INPPL1: variants seen among roughly 807,000 people sequenced by gnomAD.
The protein encoded by INPPL1 is phosphatidylinositol 3,4,5-trisphosphate 5-phosphatase 2.
In INPPL1, 91 loss-of-function variants were observed where a neutral mutation model predicts 139.3. The ratio of observed to expected loss-of-function variants is 0.65; its 90% CI spans 0.55 to 0.78. INPPL1 has a LOEUF of 0.78. Ranked by LOEUF, INPPL1 falls within the 30% of genes least tolerant of loss-of-function variation. INPPL1 has a pLI of 0.00. For synonymous variants in INPPL1, 719 were observed against 686.6 expected, an observed-to-expected ratio of 1.05 and a Z score of -0.74; for missense variants, 1,411 against 1,665.6, an observed-to-expected ratio of 0.85 and a Z score of 2.66.
chr11:72,225,543 G>T (rs1948646700), intron 1 of INPPL1: 1 of 985,094 alleles, frequency 1.0e-6, no homozygotes, highest in Non-Finnish European at 1.2e-6. Context: ...ACTGAGTGGT[G>T]AGCAGGAGAG....
chr11:72,234,433 G>A lies in INPPL1; in HGVS notation c.2326+39G>A. The A allele has an allele frequency of 1.3e-6, 2 of 1,599,392 alleles. No homozygotes were observed. Among genetic ancestry groups the A allele is most frequent in the African/African-American group, 1.3e-5 (1 of 74,672 alleles). On this transcript the variant is annotated intron_variant, in intron 20 of 27. Transcript: ENST00000298229. The surrounding 1 kb of genome is among the most constrained non-coding windows in gnomAD (Gnocchi z 4.2). ...CAGGGGCTGGGTGTGGGCCAAGGAG[G>A]ATGGGAGGCAAGAGGGTGCAGTCAG...
rs1262263936 is a variant in INPPL1, at chr11:72,230,177, C to A, written c.996C>A (p.Phe332Leu). Reference protein sequence around the residue: ...DLTKIGKSQKFTLSVDVEGGR... With the variant: ...DLTKIGKSQKLTLSVDVEGGR... ...CCAAGATTGGGAAGTCACAGAAGTTCACGCTGAGCGTGGATGTGGAGGGTG... is the reference window on the plus strand; with the variant it reads ...CCAAGATTGGGAAGTCACAGAAGTTAACGCTGAGCGTGGATGTGGAGGGTG... The change falls in exon 9 of 28, where the codon TTC (phenylalanine) becomes TTA (leucine). Residue 332 changes from phenylalanine to leucine, a missense_variant. Transcript: ENST00000298229. 1 of 1,611,818 alleles carries A rather than the reference C, an allele frequency of 6.2e-7. No homozygotes were observed. Among genetic ancestry groups the A allele is most frequent in the Non-Finnish European group, 8.5e-7 (1 of 1,178,460 alleles).
At position 72,235,781 on chromosome 11, in the gene INPPL1, A is replaced by G. The variant is rs1179739800; in HGVS notation, c.2738+28A>G. ...GAGCTAGGGCTGTGTTGAATGTCAT[A>G]TGAAAGGGTACCTGGGGGCATCTGG... is the stretch of plus-strand genomic sequence containing the variant. On this transcript the variant is annotated intron_variant, in intron 24 of 27. Coordinates refer to ENST00000298229, the MANE Select transcript of INPPL1 (RefSeq NM_001567.4). The surrounding 1 kb of genome is among the most constrained non-coding windows in gnomAD (Gnocchi z 4.9). The G allele has an allele frequency of 1.2e-6, 2 of 1,613,946 alleles. No homozygotes were observed. The highest frequency in any genetic ancestry group is 1.6e-4 in the Middle Eastern group (1 of 6,062).
chr11:72,228,252 A>C lies in INPPL1; in HGVS notation c.245A>C (p.Gln82Pro), dbSNP rs1232849440. The C allele has an allele frequency of 6.2e-7, 1 of 1,614,114 alleles. No homozygotes were observed. Among genetic ancestry groups the C allele is most frequent in the Admixed American group, 1.7e-5 (1 of 60,014 alleles). ...GATGGAGAAGATTTCTTGGCTGTGC[A>C]GGTAGGAGCTTGGGCCCCTGACCCC... ...LPDGEDFLAV[Q>P]TSQGVPVRRF... The change falls in exon 2 of 28, where the codon CAG (glutamine) becomes CCG (proline). Residue 82 changes from glutamine to proline, a missense_variant and splice_region_variant. Around this residue, in one of 5 missense-constraint regions of INPPL1, gnomAD observed 504 missense variants for 595.6 expected, o/e 0.85. Coordinates refer to ENST00000298229, the MANE Select transcript of INPPL1 (RefSeq NM_001567.4). This position sits in a 1 kb window ranked among gnomAD's most constrained non-coding sequence, Gnocchi z 5.0.
Position 72,235,522 on chromosome 11 carries a change from G to A in INPPL1, c.2659+71G>A, listed in dbSNP as rs1268544617. 17 of 1,573,792 alleles carry A rather than the reference G, an allele frequency of 1.1e-5. No homozygotes were observed. The Admixed American group carries it at 2.5e-4, about 23-fold the overall frequency. On this transcript the variant is annotated intron_variant, in intron 23 of 27. Coordinates refer to ENST00000298229, the MANE Select transcript of INPPL1 (RefSeq NM_001567.4). This position sits in a 1 kb window ranked among gnomAD's most constrained non-coding sequence, Gnocchi z 4.9. ...AAGGAGGGCAGGGTGCGGGGGGCATGTTGGAATCTCTGGGATACCTGGAGG... is the reference window on the plus strand; with the variant it reads ...AAGGAGGGCAGGGTGCGGGGGGCATATTGGAATCTCTGGGATACCTGGAGG...
chr11:72,236,676 T>C (rs1948996911), intron 25 of INPPL1, among the ~76,000 whole-genome samples: 1 of 152,218 alleles, frequency 6.6e-6, no homozygotes, highest in Non-Finnish European at 1.5e-5. Flanking sequence ...TTTTCACTCA[T>C]CTTCAGCTGT....
In INPPL1 at chr11:72,235,507, G is replaced by A; in HGVS notation, c.2659+56G>A. On this transcript the variant is annotated intron_variant, in intron 23 of 27. Coordinates refer to ENST00000298229, the MANE Select transcript of INPPL1 (RefSeq NM_001567.4). This position sits in a 1 kb window ranked among gnomAD's most constrained non-coding sequence, Gnocchi z 4.9. ...TGGTGTGAACAGATCAAGGAGGGCA[G>A]GGTGCGGGGGGCATGTTGGAATCTC... 1.9e-6 allele frequency: 3 copies of A among 1,583,826 alleles called. No homozygotes were observed. Among genetic ancestry groups the A allele is most frequent in the Non-Finnish European group, 2.6e-6 (3 of 1,163,246 alleles).
rs777172628 is a variant in INPPL1 at position 72,234,162 on chromosome 11, C to T, written c.2213-119C>T. 270 of 755,476 alleles carry T rather than the reference C, an allele frequency of 3.6e-4. No individual in the cohort carries two copies. Among genetic ancestry groups the T allele is most frequent in the Non-Finnish European group, 5.5e-4 (241 of 440,774 alleles). The allele number at this position is 755,476 out of a possible 1,614,324, so 46.8% of individuals were successfully genotyped here. On this transcript the variant is annotated intron_variant, in intron 19 of 27. Coordinates refer to ENST00000298229, the MANE Select transcript of INPPL1 (RefSeq NM_001567.4). The surrounding 1 kb of genome is among the most constrained non-coding windows in gnomAD (Gnocchi z 4.2). ...GTGGCTTGGGACTGGGGAGGCCCCTCCTGGCCCTGCCTCCTTGCTCTGGAC... is the reference window on the plus strand; with the variant it reads ...GTGGCTTGGGACTGGGGAGGCCCCTTCTGGCCCTGCCTCCTTGCTCTGGAC...
Position 72,228,415 on chromosome 11 carries a change from C to A in INPPL1, c.314C>A (p.Pro105His). ...LGELIGLYAQ[P>H]NQGLVCALLL... ...GAGCTCATCGGCCTGTACGCCCAGC[C>A]CAACCAGGGCCTTGTGTGCGCCCTG... Residue 105 changes from proline (P) to histidine (H), a missense_variant, in exon 3 of 28, where the codon CCC becomes CAC. Around this residue, in one of 5 missense-constraint regions of INPPL1, gnomAD observed 504 missense variants for 595.6 expected, o/e 0.85. Coordinates refer to ENST00000298229, the MANE Select transcript of INPPL1 (RefSeq NM_001567.4). The surrounding 1 kb of genome is among the most constrained non-coding windows in gnomAD (Gnocchi z 5.0). 1 of 1,613,010 alleles carries A rather than the reference C, an allele frequency of 6.2e-7. No individual in the cohort carries two copies. Among genetic ancestry groups the A allele is most frequent in the Non-Finnish European group, 8.5e-7 (1 of 1,179,992 alleles).
At chr11:72,227,331 A>G (rs1352429039) in intron 1 of INPPL1, among the ~76,000 whole-genome samples, 1 of 152,344 alleles carries the variant, frequency 6.6e-6, no homozygotes, top group Admixed American at 6.5e-5. Flanking sequence ...AGTAAGATTT[A>G]TAGGACACTG....
intron 1 of INPPL1, among the ~76,000 whole-genome samples, chr11:72,227,145 C>A (rs1948698301): frequency 6.6e-6 from 1 of 152,224 alleles, no homozygotes; most frequent in Admixed American, 6.5e-5. Context: ...CCCCAGCAGG[C>A]ACAGGCAATC....
In INPPL1 at chr11:72,225,103, G is replaced by A; in HGVS notation, c.119G>A (p.Arg40His). The change falls in exon 1 of 28, where the codon CGC (arginine) becomes CAC (histidine). Residue 40 changes from arginine to histidine, a missense_variant. This residue lies in a region of INPPL1 where 504 missense variants were observed against 595.6 expected (regional missense o/e 0.85). Transcript: ENST00000298229. ...AAEELLARAG[R>H]DGSFLVRDSE... ...GAGGAGCTGCTGGCCCGGGCGGGCCGCGATGGCAGCTTCCTGGTCCGAGAC... is the reference window on the plus strand; with the variant it reads ...GAGGAGCTGCTGGCCCGGGCGGGCCACGATGGCAGCTTCCTGGTCCGAGAC... 8.1e-7 allele frequency: 1 copy of A among 1,232,218 alleles called. No individual in the cohort carries two copies. The highest frequency in any genetic ancestry group is 1.0e-6 in the Non-Finnish European group (1 of 988,064). 76.3% of individuals were successfully genotyped at this position (1,232,218 alleles called of 1,614,324 possible).
Position 72,233,737 on chromosome 11 carries a change from C to T in INPPL1, c.2205C>T (p.Ser735=). 1 of 1,613,684 alleles carries T rather than the reference C, an allele frequency of 6.2e-7. No homozygotes were observed. ...TTGGAGTTACCTCCCAGTTCATCTC[C>T]AAGAAAGGTGACTGTTCCAGATATG... The part of the protein sequence containing the change: ...FEVGVTSQFI[S]KKGLSKTSDQ... The change falls in exon 19 of 28, where the codon TCC becomes TCT. Residue 735 remains serine, a synonymous_variant. Transcript: ENST00000298229.
At chr11:72,233,585 A>G in intron 18 of INPPL1, 63 bp downstream of exon 18, 1 of 1,606,146 alleles carries the variant, frequency 6.2e-7, no homozygotes, top group Non-Finnish European at 8.5e-7. Context: ...ACTCTGCCCT[A>G]ACCTTGGGAG....
At chr11:72,237,948 T>G in intron 26 of INPPL1, 94 bp from the exon 27 acceptor site, 25 of 1,459,816 alleles carry the variant, frequency 1.7e-5, no homozygotes, top group Non-Finnish European at 2.2e-5. Context: ...GCCCAGCCCT[T>G]CCCTTCCTTT....
chr11:72,229,541 C>A lies in INPPL1; in HGVS notation c.736C>A (p.Arg246Ser). 1 of 1,614,126 alleles carries A rather than the reference C, an allele frequency of 6.2e-7. No individual in the cohort carries two copies. Among genetic ancestry groups the A allele is most frequent in the Non-Finnish European group, 8.5e-7 (1 of 1,180,014 alleles). Residue 246 changes from arginine (R) to serine (S), a missense_variant, in exon 6 of 28, where the codon CGC becomes AGC. Arg to Ser is a moderately radical substitution (Grantham distance 110). This residue lies in a region of INPPL1 where 504 missense variants were observed against 595.6 expected (regional missense o/e 0.85). Transcript: ENST00000298229. ...CCAGCAGAGCTCGCCCATGGTGACCCGCCTTTTGCAGCAGCAGGTAGATTG... is the reference window on the plus strand; with the variant it reads ...CCAGCAGAGCTCGCCCATGGTGACCAGCCTTTTGCAGCAGCAGGTAGATTG... ...FDQQSSPMVT[R>S]LLQQQNLPQT...
Position 72,234,182 on chromosome 11 carries a change from C to T in INPPL1, c.2213-99C>T. On this transcript the variant is annotated intron_variant, in intron 19 of 27. Coordinates refer to ENST00000298229, the MANE Select transcript of INPPL1 (RefSeq NM_001567.4). The surrounding 1 kb of genome is among the most constrained non-coding windows in gnomAD (Gnocchi z 4.2). The stretch of plus-strand genomic sequence containing the variant: ...CCCCTCCTGGCCCTGCCTCCTTGCT[C>T]TGGACCCCTGATTTCCTGTCCCAGG... 1 of 929,984 alleles carries T rather than the reference C, an allele frequency of 1.1e-6. No individual in the cohort carries two copies. Among genetic ancestry groups the T allele is most frequent in the South Asian group, 1.4e-5 (1 of 70,638 alleles). 57.6% of individuals were successfully genotyped at this position (929,984 alleles called of 1,614,324 possible). A position where few individuals can be genotyped will look rare whatever the true frequency, so the allele number is the denominator to read the frequency against.
Position 72,235,814 on chromosome 11 carries a change from C to T in INPPL1, c.2739-32C>T, listed in dbSNP as rs764223688. On this transcript the variant is annotated intron_variant, in intron 24 of 27. Transcript: ENST00000298229. The surrounding 1 kb of genome is among the most constrained non-coding windows in gnomAD (Gnocchi z 4.9). ...GTACCTGGGGGCATCTGGTCAACCC[C>T]ACTTCATCTCTCTCCTGTGCATCCC... 1.9e-6 allele frequency: 3 copies of T among 1,613,204 alleles called. No individual in the cohort carries two copies. Among genetic ancestry groups the T allele is most frequent in the East Asian group, 2.2e-5 (1 of 44,876 alleles).
Position 72,232,710 on chromosome 11 carries a change from C to T in INPPL1, c.1797C>T (p.Phe599=). The change falls in exon 15 of 28, where the codon TTC becomes TTT. Residue 599 remains phenylalanine (F), a synonymous_variant. Coordinates refer to ENST00000298229, the MANE Select transcript of INPPL1 (RefSeq NM_001567.4). ...ATGCCTTTGACATCTCTCTGCGTTT[C>T]ACACACCTCTTCTGGTTTGGGGACC... ...QLNAFDISLR[F]THLFWFGDLN... is the part of the protein sequence containing the mutation. The T allele has an allele frequency of 4.3e-6, 7 of 1,614,064 alleles. No individual in the cohort carries two copies. The highest frequency in any genetic ancestry group is 5.9e-6 in the Non-Finnish European group (7 of 1,180,014).
Sources: gnomAD v4.1 joint callset for allele counts (sites outside exome capture counted in the v4.1 genomes callset) on GRCh38, gnomAD v4.1.1 for gene constraint, gnomAD v4.1.1 regional missense constraint, Gnocchi (gnomAD v3.1) non-coding constraint, MANE v1.5 for transcripts, NCBI Gene and HGNC (gene_info 2026-07-23, HGNC 2026-07-21) for gene names.